Variants in VWC2 observed in about 807,000 individuals in gnomAD.
VWC2 encodes the protein brorin.
In VWC2, 14 loss-of-function variants were observed where a neutral mutation model predicts 29.8. That is an observed-to-expected ratio of 0.47 (90% CI 0.31 to 0.74). VWC2 has a LOEUF of 0.74. VWC2 is among the 30% of genes least tolerant of loss of function. The pLI is 0.05. For synonymous variants in VWC2, 213 were observed against 199.0 expected (o/e 1.07, Z -0.59); for missense variants, 457 against 459.8 (o/e 0.99, Z 0.05).
chr7:49,853,769 G>A (rs1290989879), intron 3 of VWC2, among the ~76,000 whole-genome samples: 5 of 151,846 alleles, frequency 3.3e-5, no homozygotes, highest in African/African-American at 7.3e-5. Context: ...CAACGTGCAG[G>A]TTTGTTACAT....
At chr7:49,868,433 G>A (rs1241904042) in intron 3 of VWC2, among the ~76,000 whole-genome samples, 11 of 152,150 alleles carry the variant, frequency 7.2e-5, no homozygotes, top group African/African-American at 2.7e-4. Context: ...ATCTAATTCA[G>A]AGCCACCATG....
intron 2 of VWC2, among the ~76,000 whole-genome samples, chr7:49,779,266 T>C (rs906324743): frequency 6.6e-6 from 1 of 152,188 alleles, no homozygotes; most frequent in African/African-American, 2.4e-5. Context: ...TTCTGCATAT[T>C]CTAAACTTGT....
rs143361324 is a variant in VWC2, at chr7:49,816,295, C to T, written c.826+13455C>T. ...GAAATGGTGCAAATACATTTGACCT[C>T]CTGAAAGTCATTCTGGTTAAGGGTG... is the stretch of plus-strand genomic sequence containing the variant. On this transcript the variant is annotated intron_variant, in intron 3 of 3. Coordinates refer to ENST00000340652, the MANE Select transcript of VWC2 (RefSeq NM_198570.5). Among the ~76,000 whole-genome samples the T allele has an allele frequency of 8.1e-4, 123 of 152,286 alleles. 1 individual carries two copies. Among genetic ancestry groups the T allele is most frequent in the African/African-American group, 2.7e-3 (112 of 41,550 alleles).
chr7:49,802,772 C>T lies in VWC2; in HGVS notation c.758C>T (p.Ala253Val). ...GGTGAGGTGCTATGCACAGTGTCAG[C>T]GTGTCCCCAGACGGAGTGTGTGGAC... Reference protein sequence around the residue: ...ANGEVLCTVSACPQTECVDPV... With the variant: ...ANGEVLCTVSVCPQTECVDPV... Residue 253 changes from alanine (A) to valine (V), a missense_variant, in exon 3 of 4, where the codon GCG (alanine) becomes GTG (valine). This residue lies in a region of VWC2 where 185 missense variants were observed against 257.1 expected (regional missense o/e 0.72). Coordinates refer to ENST00000340652, the MANE Select transcript of VWC2 (RefSeq NM_198570.5). 3.7e-6 allele frequency: 6 copies of T among 1,614,192 alleles called. No homozygotes were observed. Among genetic ancestry groups the T allele is most frequent in the Non-Finnish European group, 4.2e-6 (5 of 1,180,036 alleles).
chr7:49,836,871 G>A (rs1016660274), intron 3 of VWC2, among the ~76,000 whole-genome samples: 4 of 152,138 alleles, frequency 2.6e-5, no homozygotes, highest in Admixed American at 6.5e-5. Flanking sequence ...ATTCTTCTCA[G>A]AGAGCATCCT....
chr7:49,790,571 C>G (rs1170857535), intron 2 of VWC2, among the ~76,000 whole-genome samples: 1 of 152,164 alleles, frequency 6.6e-6, no homozygotes, highest in African/African-American at 2.4e-5. Flanking sequence ...ATCAACTTCA[C>G]TTCACATTAG....
intron 3 of VWC2, among the ~76,000 whole-genome samples, chr7:49,888,907 A>G (rs1321142714): frequency 6.6e-6 from 1 of 151,962 alleles, no homozygotes; most frequent in Non-Finnish European, 1.5e-5. Context: ...GCGAGACTTC[A>G]TCTCAAAAAA....
At chr7:49,830,553 T>C (rs1053466792) in intron 3 of VWC2, among the ~76,000 whole-genome samples, 2 of 152,224 alleles carry the variant, frequency 1.3e-5, no homozygotes, top group African/African-American at 4.8e-5. Flanking sequence ...AGTTCTAGGG[T>C]ACATGTGCAC....
intron 3 of VWC2, among the ~76,000 whole-genome samples, chr7:49,821,792 G>C (rs1789267036): frequency 6.6e-6 from 1 of 152,074 alleles, no homozygotes. Flanking sequence ...TCATACTTTG[G>C]ATAAATTTTG....
chr7:49,870,069 G>A (rs1334156156), intron 3 of VWC2, among the ~76,000 whole-genome samples: 1 of 152,196 alleles, frequency 6.6e-6, no homozygotes, highest in East Asian at 1.9e-4. Context: ...AGACAGAAGT[G>A]TAGTACTGAT....
intron 2 of VWC2, among the ~76,000 whole-genome samples, chr7:49,802,087 T>C (rs1234621044): frequency 6.6e-6 from 1 of 152,136 alleles, no homozygotes; most frequent in Non-Finnish European, 1.5e-5. Flanking sequence ...ATTTGTTTAA[T>C]TTTTAAAGAG....
In VWC2 at chr7:49,919,953, A is replaced by T. The variant is rs2128746576; in HGVS notation, c.*7768A>T. 1 of 152,346 alleles carries T rather than the reference A, an allele frequency of 6.6e-6. No homozygotes were observed. The highest frequency in any genetic ancestry group is 1.5e-5 in the Non-Finnish European group (1 of 68,036). 9.4% of individuals were successfully genotyped at this position (152,346 alleles called of 1,614,324 possible). The stretch of plus-strand genomic sequence containing the variant: ...CAACTGATACCTTAAAATATTTGTT[A>T]CAAATAACACTGAAGTGAGATTCAA... On this transcript the variant is annotated 3_prime_UTR_variant, in exon 4 of 4. Coordinates refer to ENST00000340652, the MANE Select transcript of VWC2 (RefSeq NM_198570.5).
rs190159760 is a variant in VWC2 at position 49,843,943 on chromosome 7, G to A, written c.826+41103G>A. Among the ~76,000 whole-genome samples, 160 of 152,330 alleles carry A rather than the reference G, an allele frequency of 1.1e-3. 1 individual carries two copies. Among genetic ancestry groups the A allele is most frequent in the African/African-American group, 3.8e-3 (156 of 41,576 alleles). ...TTTAAAAGATGAAGAAAAGGTGACA[G>A]TTAGGACTCATTCTATTACAGGGGC... On this transcript the variant is annotated intron_variant, in intron 3 of 3. Coordinates refer to ENST00000340652, the MANE Select transcript of VWC2 (RefSeq NM_198570.5).
At chr7:49,854,558 T>C (rs1790335723) in intron 3 of VWC2, among the ~76,000 whole-genome samples, 1 of 152,132 alleles carries the variant, frequency 6.6e-6, no homozygotes. Flanking sequence ...TTTGATGGGG[T>C]TGTTAGTTTT....
intron 3 of VWC2, among the ~76,000 whole-genome samples, chr7:49,870,761 A>C (rs1381378255): frequency 1.3e-5 from 2 of 152,258 alleles, no homozygotes; most frequent in Non-Finnish European, 2.9e-5. Context: ...TGCAACCTGC[A>C]TGATAATGCA....
At chr7:49,856,731 G>A (rs1371650234) in intron 3 of VWC2, among the ~76,000 whole-genome samples, 1 of 152,100 alleles carries the variant, frequency 6.6e-6, no homozygotes, top group Non-Finnish European at 1.5e-5. Flanking sequence ...TGTTCTGTTT[G>A]TTTTGTGCTG....
intron 3 of VWC2, among the ~76,000 whole-genome samples, chr7:49,843,721 C>G (rs1400152819): frequency 6.6e-6 from 1 of 152,192 alleles, no homozygotes; most frequent in Non-Finnish European, 1.5e-5. Flanking sequence ...GAGACAAGGT[C>G]ATAGAAGCAC....
chr7:49,886,965 GT>G (rs1562753354), intron 3 of VWC2, among the ~76,000 whole-genome samples: 1 of 151,208 alleles, frequency 6.6e-6, no homozygotes, highest in Non-Finnish European at 1.5e-5. Context: ...GACTTGTCTT[GT>G]TTGCCTTTAC....
At chr7:49,860,222 G>A (rs1333657543) in intron 3 of VWC2, among the ~76,000 whole-genome samples, 1 of 152,066 alleles carries the variant, frequency 6.6e-6, no homozygotes, top group Non-Finnish European at 1.5e-5. Context: ...ATTCCAAACT[G>A]AAACCCTCCG....
Sources: gnomAD v4.1 joint callset for allele counts (sites outside exome capture counted in the v4.1 genomes callset) on GRCh38, gnomAD v4.1.1 for gene constraint, gnomAD v4.1.1 regional missense constraint, MANE v1.5 for transcripts, NCBI Gene and HGNC (gene_info 2026-07-23, HGNC 2026-07-21) for gene names.